CARS2: variants seen among roughly 807,000 people sequenced by gnomAD.
CARS2 encodes the protein cysteinyl-tRNA synthetase 2, mitochondrial, also known as probable cysteine--tRNA ligase, mitochondrial.
A neutral mutation model predicts 68.8 loss-of-function variants in CARS2; 52 were observed. The observed-to-expected ratio is 0.76, with a 90% CI of 0.61 to 0.95. The LOEUF (loss-of-function observed/expected upper bound fraction) is 0.95. Among genes scored for constraint, CARS2 ranks in the 40% least tolerant of loss-of-function variants. CARS2 has a pLI of 0.00. For synonymous variants in CARS2, 314 were observed against 303.6 expected (o/e 1.03, Z -0.36); for missense variants, 780 against 754.2 (o/e 1.03, Z -0.40).
intron 6 of CARS2, among the ~76,000 whole-genome samples, chr13:110,682,528 C>T (rs2063186272): frequency 6.6e-6 from 1 of 152,178 alleles, no homozygotes; most frequent in African/African-American, 2.4e-5. Context: ...TGTTTGATTC[C>T]CTTAGACAGT....
chr13:110,659,826 A>G (rs2062457861), intron 9 of CARS2, among the ~76,000 whole-genome samples: 1 of 152,168 alleles, frequency 6.6e-6, no homozygotes, highest in African/African-American at 2.4e-5. Flanking sequence ...CTGACTGATC[A>G]AGGTAGTGGT....
rs2062698401 is a variant in CARS2, at chr13:110,668,116, C to G, written c.786-643G>C. On this transcript the variant is annotated intron_variant, in intron 7 of 14. Transcript: ENST00000257347. This position sits in a 1 kb window ranked among gnomAD's most constrained non-coding sequence, Gnocchi z 4.1. The stretch of plus-strand genomic sequence containing the variant: ...GATAGATAGAGAAATTTCTAAGGTG[C>G]CAACACCTCGCAGAGGTCCTTCCTG... Among the ~76,000 whole-genome samples, 1 of 152,200 alleles carries G rather than the reference C, an allele frequency of 6.6e-6. No individual in the cohort carries two copies. Among genetic ancestry groups the G allele is most frequent in the South Asian group, 2.1e-4 (1 of 4,834 alleles).
Position 110,706,035 on chromosome 13 carries a change from C to T in CARS2, c.59G>A (p.Gly20Asp). ...LGPPLLQAAL[G>D]LGRAGWHWPA... ...CCAGTGCCACCCAGCCCGCCCAAGGCCCAGCGCGGCCTGGAGCAGCGGGGG... is the reference window on the plus strand; with the variant it reads ...CCAGTGCCACCCAGCCCGCCCAAGGTCCAGCGCGGCCTGGAGCAGCGGGGG... Residue 20 changes from glycine to aspartate, a missense_variant, in exon 1 of 15, where the codon GGC becomes GAC. Transcript: ENST00000257347. The T allele has an allele frequency of 2.2e-6, 3 of 1,383,210 alleles. No homozygotes were observed. Among genetic ancestry groups the T allele is most frequent in the Non-Finnish European group, 1.9e-6 (2 of 1,071,084 alleles). 85.7% of individuals were successfully genotyped at this position (1,383,210 alleles called of 1,614,324 possible).
intron 2 of CARS2, among the ~76,000 whole-genome samples, chr13:110,704,718 C>T (rs187298899): frequency 6.6e-6 from 1 of 151,250 alleles, no homozygotes; most frequent in Admixed American, 6.6e-5. Context: ...CCAGCCTGGG[C>T]GACAGAGCGA....
intron 10 of CARS2, among the ~76,000 whole-genome samples, chr13:110,650,061 T>G (rs13378477): frequency 6.6e-6 from 1 of 150,382 alleles, no homozygotes; most frequent in East Asian, 2.0e-4. Flanking sequence ...CTCAGCCTCC[T>G]GAGTAGCTGA....
At chr13:110,642,259 C>T in intron 14 of CARS2, 56 bp downstream of exon 14, 1 of 1,383,482 alleles carries the variant, frequency 7.2e-7, no homozygotes, top group Non-Finnish European at 1.0e-6. Context: ...GGCCCCACGT[C>T]CTGTTGACCT....
intron 12 of CARS2, chr13:110,644,970 C>T (rs1226387659): frequency 4.4e-5 from 7 of 158,512 alleles, no homozygotes; most frequent in East Asian, 1.8e-4. Flanking sequence ...TTGTCCCGCC[C>T]CTTGCCACAA....
chr13:110,682,354 C>T (rs2063181394), intron 6 of CARS2, among the ~76,000 whole-genome samples: 1 of 152,228 alleles, frequency 6.6e-6, no homozygotes, highest in South Asian at 2.1e-4. Context: ...GTGTTCCGGC[C>T]TGTGCGGGGA....
At chr13:110,693,140 T>C (rs1594392642) in intron 3 of CARS2, among the ~76,000 whole-genome samples, 2 of 148,040 alleles carry the variant, frequency 1.4e-5, no homozygotes, top group Admixed American at 1.3e-4. Context: ...AAAGAATTAA[T>C]TTATCTAGTT....
At chr13:110,678,847 A>G (rs1446181340) in intron 6 of CARS2, among the ~76,000 whole-genome samples, 7 of 152,084 alleles carry the variant, frequency 4.6e-5, no homozygotes, top group South Asian at 4.2e-4. Context: ...GGAGGGGGGA[A>G]GAGTGGACGG....
rs9559859 is a variant in CARS2 at position 110,685,078 on chromosome 13, C to A, written c.572-1944G>T. Among the ~76,000 whole-genome samples, 359 of 152,266 alleles carry A rather than the reference C, an allele frequency of 2.4e-3. 4 individuals carry two copies. The East Asian group carries it at 0.028, about 12-fold the overall frequency. On this transcript the variant is annotated intron_variant, in intron 5 of 14. Coordinates refer to ENST00000257347, the MANE Select transcript of CARS2 (RefSeq NM_024537.4). ...ACTCGTGAACATTTATCACTTTATTCCTAAAATGGAAGCACAGGCCCACAT... is the reference window on the plus strand; with the variant it reads ...ACTCGTGAACATTTATCACTTTATTACTAAAATGGAAGCACAGGCCCACAT...
rs548625666 is a variant in CARS2 at position 110,667,489 on chromosome 13, C to T, written c.786-16G>A. 3 of 1,608,690 alleles carry T rather than the reference C, an allele frequency of 1.9e-6. No homozygotes were observed. The Admixed American group carries it at 5.1e-5, about 27-fold the overall frequency. On this transcript the variant is annotated splice_polypyrimidine_tract_variant and intron_variant, in intron 7 of 14. Coordinates refer to ENST00000257347, the MANE Select transcript of CARS2 (RefSeq NM_024537.4). ...AAATACCATACTGCAAGACACAGTG[C>T]AAAGTAGTGAATTCATTCAATCAAG...
chr13:110,709,949 C>G (rs571931085), upstream of CARS2, among the ~76,000 whole-genome samples: 1 of 152,224 alleles, frequency 6.6e-6, no homozygotes, highest in Middle Eastern at 3.4e-3. Context: ...AAATCAAGTT[C>G]TCAGTATTAC....
chr13:110,673,888 G>A (rs1370821466), intron 7 of CARS2, among the ~76,000 whole-genome samples: 1 of 152,134 alleles, frequency 6.6e-6, no homozygotes, highest in East Asian at 1.9e-4. Context: ...AAATCAATGT[G>A]CAAAAATCAC....
chr13:110,712,624 A>G (rs1594447777), intron 1 of CARS2: 20 of 440,408 alleles, frequency 4.5e-5, no homozygotes, highest in East Asian at 9.3e-5. Flanking sequence ...GAGCTTTGGG[A>G]GGGTAGAGGG....
At chr13:110,708,740 ATTT>A (rs1422951346), upstream of CARS2, among the ~76,000 whole-genome samples, 3 of 147,284 alleles carry the variant, frequency 2.0e-5, no homozygotes, top group South Asian at 2.1e-4. Flanking sequence ...TAATTTTTGC[ATTT>A]TTATTTTTAT....
chr13:110,656,874 ACT>A (rs1213743933), intron 9 of CARS2, among the ~76,000 whole-genome samples: 1 of 141,720 alleles, frequency 7.1e-6, no homozygotes, highest in African/African-American at 2.8e-5. Context: ...ACAGAGTGAG[ACT>A]CTGTCTCAAA....
intron 9 of CARS2, among the ~76,000 whole-genome samples, chr13:110,654,967 G>GA (rs1279259237): frequency 2.7e-5 from 4 of 149,342 alleles, no homozygotes; most frequent in African/African-American, 9.9e-5. Flanking sequence ...AGAAAAAAAG[G>GA]AAAAAAGGTA....
At chr13:110,683,713 A>G (rs1169472387) in intron 5 of CARS2, among the ~76,000 whole-genome samples, 1 of 152,154 alleles carries the variant, frequency 6.6e-6, no homozygotes, top group African/African-American at 2.4e-5. Flanking sequence ...CTACCTTTTT[A>G]CTCAGATTGA....
Sources: allele counts gnomAD v4.1 joint callset (sites outside exome capture counted in the v4.1 genomes callset), GRCh38; gene constraint gnomAD v4.1.1; non-coding constraint Gnocchi (gnomAD v3.1); transcripts MANE v1.5; gene names NCBI Gene and HGNC (gene_info 2026-07-23, HGNC 2026-07-21).